MECOM: variants seen among roughly 807,000 people sequenced by gnomAD.
MECOM encodes the protein MDS1 and EVI1 complex locus.
A neutral mutation model predicts 116.3 loss-of-function variants in MECOM; 13 were observed. The ratio of observed to expected loss-of-function variants is 0.11; its 90% CI spans 0.07 to 0.18. MECOM has a LOEUF of 0.18. Ranked by LOEUF, MECOM falls within the 10% of genes least tolerant of loss-of-function variation. MECOM has a pLI of 1.00. For missense variants in MECOM, 1,299 were observed against 1,509.0 expected, an observed-to-expected ratio of 0.86 and a Z score of 2.31; for synonymous variants, 528 against 535.2, an observed-to-expected ratio of 0.99 and a Z score of 0.19.
At chr3:169,566,000 C>T (rs1052461389) in intron 1 of MECOM, 40 of 436,484 alleles carry the variant, frequency 9.2e-5, no homozygotes, top group Non-Finnish European at 1.7e-4. Context: ...CCTCAGGAAA[C>T]TTACAATTGT....
intron 4 of MECOM, 44 bp downstream of exon 4, chr3:169,131,385 C>T (rs141774779): frequency 6.8e-7 from 1 of 1,478,978 alleles, no homozygotes; most frequent in Non-Finnish European, 9.5e-7. Flanking sequence ...ACTTTATAGT[C>T]GCGATGATAA....
At chr3:169,451,281 A>T (rs920877169) in intron 1 of MECOM, among the ~76,000 whole-genome samples, 5 of 151,550 alleles carry the variant, frequency 3.3e-5, no homozygotes, top group African/African-American at 9.7e-5. Context: ...TGTGATATTC[A>T]CAAGTGCGCA....
chr3:169,338,656 A>C lies in MECOM; in HGVS notation c.375+42531T>G, dbSNP rs957858043. 1.5e-4 allele frequency among the ~76,000 whole-genome samples: 22 copies of C among 150,876 alleles called. 1 individual carries two copies. The highest frequency in any genetic ancestry group is 1.3e-4 in the Non-Finnish European group (9 of 67,778). On this transcript the variant is annotated intron_variant, in intron 2 of 16. Transcript: ENST00000651503. ...GTTGGGAAGCATAGAAGCTGCAAGA[A>C]AAGGAGAGTAAAGGGAGAGAGGGTG... is the stretch of plus-strand genomic sequence containing the variant.
chr3:169,158,687 A>G (rs1482740912), intron 2 of MECOM, among the ~76,000 whole-genome samples: 1 of 152,204 alleles, frequency 6.6e-6, no homozygotes, highest in Non-Finnish European at 1.5e-5. Context: ...AGAGCTGAGC[A>G]GAGGAAAAAT....
chr3:169,107,701 G>A (rs1186390844), intron 10 of MECOM, among the ~76,000 whole-genome samples: 1 of 152,152 alleles, frequency 6.6e-6, no homozygotes, highest in African/African-American at 2.4e-5. Context: ...GAATGCATCA[G>A]ATTTATCGAA....
intron 1 of MECOM, among the ~76,000 whole-genome samples, chr3:169,599,188 C>T (rs760033648): frequency 3.2e-4 from 49 of 152,152 alleles, no homozygotes; most frequent in African/African-American, 9.2e-4. Flanking sequence ...GAACCCTATA[C>T]GCATTAACGT....
In MECOM at chr3:169,258,984, A is replaced by T. The variant is rs542643450; in HGVS notation, c.376-115152T>A. On this transcript the variant is annotated intron_variant, in intron 2 of 16. Coordinates refer to ENST00000651503, the MANE Select transcript of MECOM (RefSeq NM_004991.4). ...CTCAGGTCACATGCTGAACACTGACAATACAACATCTATGGTTTTGCATCC... is the reference window on the plus strand; with the variant it reads ...CTCAGGTCACATGCTGAACACTGACTATACAACATCTATGGTTTTGCATCC... 2.9e-3 allele frequency among the ~76,000 whole-genome samples: 436 copies of T among 152,336 alleles called. 1 individual carries two copies. Among genetic ancestry groups the T allele is most frequent in the African/African-American group, 0.01 (417 of 41,566 alleles).
chr3:169,650,937 T>C (rs1774824351), intron 1 of MECOM, among the ~76,000 whole-genome samples: 1 of 152,104 alleles, frequency 6.6e-6, no homozygotes, highest in African/African-American at 2.4e-5. Context: ...ATGGTTTAGA[T>C]TGATACATAC....
chr3:169,105,771 T>C (rs1651774722), intron 10 of MECOM, among the ~76,000 whole-genome samples: 1 of 152,122 alleles, frequency 6.6e-6, no homozygotes, highest in African/African-American at 2.4e-5. Context: ...GAGGAAGTCA[T>C]TTCACCCTGT....
intron 1 of MECOM, among the ~76,000 whole-genome samples, chr3:169,547,794 G>C (rs373309544): frequency 6.6e-6 from 1 of 152,168 alleles, no homozygotes; most frequent in African/African-American, 2.4e-5. Context: ...CTGGAGACCA[G>C]AGATCCAGAG....
intron 2 of MECOM, among the ~76,000 whole-genome samples, chr3:169,352,217 G>T (rs1276022133): frequency 6.6e-6 from 1 of 151,780 alleles, no homozygotes; most frequent in Non-Finnish European, 1.5e-5. Context: ...TTCCTGTAAG[G>T]CAGAAAATAA....
At chr3:169,452,763 T>C (rs1745818669) in intron 1 of MECOM, among the ~76,000 whole-genome samples, 1 of 152,212 alleles carries the variant, frequency 6.6e-6, no homozygotes, top group Non-Finnish European at 1.5e-5. Context: ...AATACCTAAT[T>C]TGGCTAACCC....
chr3:169,614,420 A>T (rs531155464), intron 1 of MECOM, among the ~76,000 whole-genome samples: 1 of 152,284 alleles, frequency 6.6e-6, no homozygotes, highest in Admixed American at 6.5e-5. Flanking sequence ...AAATGATATA[A>T]ACAAATGCCC....
chr3:169,392,779 C>G (rs1406402933), intron 1 of MECOM, among the ~76,000 whole-genome samples: 1 of 152,158 alleles, frequency 6.6e-6, no homozygotes, highest in African/African-American at 2.4e-5. Flanking sequence ...TATATATGTA[C>G]TACATCTTTA....
chr3:169,374,225 A>G (rs1391588840), intron 2 of MECOM, among the ~76,000 whole-genome samples: 1 of 151,818 alleles, frequency 6.6e-6, no homozygotes, highest in Non-Finnish European at 1.5e-5. Context: ...AGATGAGAAG[A>G]CAGCTGTCTG....
intron 2 of MECOM, among the ~76,000 whole-genome samples, chr3:169,299,562 C>G (rs1260082182): frequency 6.6e-6 from 1 of 152,174 alleles, no homozygotes; most frequent in Non-Finnish European, 1.5e-5. Flanking sequence ...AAAGTTCACC[C>G]CAGTCAGACC....
At chr3:169,276,195 C>T (rs1025275020) in intron 2 of MECOM, among the ~76,000 whole-genome samples, 2 of 152,132 alleles carry the variant, frequency 1.3e-5, no homozygotes, top group Admixed American at 6.5e-5. Context: ...GGACTTCAAG[C>T]CTTACATTTA....
intron 1 of MECOM, among the ~76,000 whole-genome samples, chr3:169,497,552 T>C (rs1380642003): frequency 6.6e-6 from 1 of 151,984 alleles, no homozygotes; most frequent in African/African-American, 2.4e-5. Flanking sequence ...GAGATGGAGT[T>C]TTACCATGTT....
At chr3:169,158,599 T>C (rs1742353452) in intron 2 of MECOM, among the ~76,000 whole-genome samples, 1 of 152,170 alleles carries the variant, frequency 6.6e-6, no homozygotes, top group African/African-American at 2.4e-5. Context: ...ATGCATCCTC[T>C]GAATGCAAAT....
Sources: gnomAD v4.1 joint callset for allele counts (sites outside exome capture counted in the v4.1 genomes callset) on GRCh38, gnomAD v4.1.1 for gene constraint, MANE v1.5 for transcripts, NCBI Gene and HGNC (gene_info 2026-07-23, HGNC 2026-07-21) for gene names.